SYT6: variants seen among roughly 807,000 people sequenced by gnomAD.
SYT6 encodes the protein synaptotagmin-6.
In SYT6, 24 loss-of-function variants were observed where a neutral mutation model predicts 38.4. That is an observed-to-expected ratio of 0.62 (90% CI 0.45 to 0.88). The LOEUF is 0.88. Ranked by LOEUF, SYT6 falls within the 40% of genes least tolerant of loss-of-function variation. SYT6 has a pLI of 0.00. For missense variants in SYT6, 611 were observed against 621.0 expected, an observed-to-expected ratio of 0.98 and a Z score of 0.17; for synonymous variants, 265 against 241.9, an observed-to-expected ratio of 1.10 and a Z score of -0.89.
intron 3 of SYT6, among the ~76,000 whole-genome samples, chr1:114,132,732 A>G (rs945371595): frequency 6.6e-6 from 1 of 152,188 alleles, no homozygotes; most frequent in Non-Finnish European, 1.5e-5. Flanking sequence ...CACATGGGCT[A>G]AGCCAGCAGG....
At chr1:114,110,292 C>A (rs901924093) in intron 3 of SYT6, among the ~76,000 whole-genome samples, 1 of 152,196 alleles carries the variant, frequency 6.6e-6, no homozygotes, top group South Asian at 2.1e-4. Flanking sequence ...AAAGTCCCAG[C>A]CCTCCAGGAA....
At chr1:114,128,558 G>A (rs189730001) in intron 3 of SYT6, among the ~76,000 whole-genome samples, 96 of 152,182 alleles carry the variant, frequency 6.3e-4, no homozygotes, top group African/African-American at 2.1e-3. Flanking sequence ...CCGTGTCCCC[G>A]TTCCACAGTT....
At chr1:114,135,762 G>C (rs1678441275) in intron 3 of SYT6, among the ~76,000 whole-genome samples, 1 of 152,210 alleles carries the variant, frequency 6.6e-6, no homozygotes. Flanking sequence ...GAGGCTCCTA[G>C]AAGGGCTGGG....
At chr1:114,134,564 C>T (rs999105709) in intron 3 of SYT6, among the ~76,000 whole-genome samples, 2 of 152,102 alleles carry the variant, frequency 1.3e-5, no homozygotes, top group African/African-American at 2.4e-5. Context: ...AGAGAACACA[C>T]GGGAGAGGCA....
In SYT6 at chr1:114,134,572, G is replaced by A. The variant is rs778651024; in HGVS notation, c.1071+2923C>T. 8.5e-5 allele frequency among the ~76,000 whole-genome samples: 13 copies of A among 152,328 alleles called. No homozygotes were observed. In the South Asian group the frequency reaches 2.7e-3, roughly 32 times the overall value. On this transcript the variant is annotated intron_variant, in intron 3 of 7. Coordinates refer to ENST00000610222, the MANE Select transcript of SYT6 (RefSeq NM_001253772.2). ...GGGATACAGAGAACACACGGGAGAG[G>A]CAGCTGCTGTGAGACCAGGAGGCCA...
At chr1:114,136,313 G>A (rs970424190) in intron 3 of SYT6, among the ~76,000 whole-genome samples, 4 of 152,188 alleles carry the variant, frequency 2.6e-5, no homozygotes, top group African/African-American at 9.6e-5. Flanking sequence ...GGAGTCTGCA[G>A]ACAGAGTGGG....
At chr1:114,108,457 A>G (rs1676463208) in intron 3 of SYT6, among the ~76,000 whole-genome samples, 2 of 152,182 alleles carry the variant, frequency 1.3e-5, no homozygotes, top group African/African-American at 4.8e-5. Context: ...ACCCCCAGTT[A>G]GCTGTGAGAC....
chr1:114,114,644 T>C (rs536622741), intron 3 of SYT6, among the ~76,000 whole-genome samples: 1 of 152,316 alleles, frequency 6.6e-6, no homozygotes, highest in Non-Finnish European at 1.5e-5. Flanking sequence ...TCATCATCTC[T>C]GGAGGCGGGG....
At position 114,096,999 on chromosome 1, in the gene SYT6, C is replaced by T. The variant is rs7554128; in HGVS notation, c.1515+728G>A. 2.5e-3 allele frequency among the ~76,000 whole-genome samples: 381 copies of T among 152,182 alleles called. 2 individuals are homozygous for T. The highest frequency in any genetic ancestry group is 8.6e-3 in the African/African-American group (358 of 41,510). On this transcript the variant is annotated intron_variant, in intron 6 of 7. Coordinates refer to ENST00000610222, the MANE Select transcript of SYT6 (RefSeq NM_001253772.2). Reference sequence around the variant, plus strand: ...AGGATCCTAAGTCGGTGGGATTCAGCGGAGGGTGGAGAAGTTTGCAGATAT... The same window carrying T: ...AGGATCCTAAGTCGGTGGGATTCAGTGGAGGGTGGAGAAGTTTGCAGATAT...
intron 3 of SYT6, among the ~76,000 whole-genome samples, chr1:114,123,231 C>A (rs1677529019): frequency 6.6e-6 from 1 of 152,210 alleles, no homozygotes; most frequent in African/African-American, 2.4e-5. Context: ...GCCCTGTCCC[C>A]AACTTCTCAA....
chr1:114,131,245 AGTT>A (rs1214541013), intron 3 of SYT6, among the ~76,000 whole-genome samples: 3 of 152,124 alleles, frequency 2.0e-5, no homozygotes, highest in African/African-American at 7.2e-5. Flanking sequence ...CTCTGCAAGT[AGTT>A]ATTATACAAA....
Position 114,099,102 on chromosome 1 carries a change from G to A in SYT6, c.1356C>T (p.Asp452=). 1 of 1,613,032 alleles carries A rather than the reference G, an allele frequency of 6.2e-7. No individual in the cohort carries two copies. The highest frequency in any genetic ancestry group is 8.5e-7 in the Non-Finnish European group (1 of 1,179,374). Residue 452 remains aspartate, a synonymous_variant, in exon 5 of 8, where the codon GAC becomes GAT. Coordinates refer to ENST00000610222, the MANE Select transcript of SYT6 (RefSeq NM_001253772.2). ...DQVSLLISVM[D]YDRVGHNEII... ...CTAGGACGCCTACCTACCGATCATA[G>A]TCCATGACTGAGATGAGCAGGCTGA... is the stretch of plus-strand genomic sequence containing the variant.
At chr1:114,099,946 G>A (rs903715645) in intron 4 of SYT6, among the ~76,000 whole-genome samples, 52 of 152,128 alleles carry the variant, frequency 3.4e-4, no homozygotes, top group Non-Finnish European at 5.9e-4. Flanking sequence ...CTGGACAGTG[G>A]AGAATGAGGG....
rs540696316 is a variant in SYT6 at position 114,092,032 on chromosome 1, C to T, written c.*102G>A. 9 of 1,536,126 alleles carry T rather than the reference C, an allele frequency of 5.9e-6. No individual in the cohort carries two copies. The highest frequency in any genetic ancestry group is 1.4e-5 in the African/African-American group (1 of 73,040). On this transcript the variant is annotated 3_prime_UTR_variant, in exon 8 of 8. Transcript: ENST00000610222. Reference sequence around the variant, plus strand: ...CATCTCATGGTGTTGGAGGTGGTTTCGGAGATGGGCACGAGCTCTCACTGT... The same window carrying T: ...CATCTCATGGTGTTGGAGGTGGTTTTGGAGATGGGCACGAGCTCTCACTGT...
intron 3 of SYT6, among the ~76,000 whole-genome samples, chr1:114,129,409 G>A (rs924861033): frequency 7.6e-5 from 11 of 144,502 alleles, no homozygotes; most frequent in African/African-American, 2.3e-4. Flanking sequence ...AACCTCTCCC[G>A]CCTCTTACCT....
chr1:114,140,328 C>G (rs1198314962), intron 1 of SYT6, among the ~76,000 whole-genome samples: 2 of 151,818 alleles, frequency 1.3e-5, no homozygotes, highest in African/African-American at 2.4e-5. Context: ...AGCAAATGTG[C>G]AAATTTGTGA....
intron 1 of SYT6, among the ~76,000 whole-genome samples, chr1:114,150,920 T>C (rs1679409945): frequency 6.6e-6 from 1 of 152,162 alleles, no homozygotes; most frequent in South Asian, 2.1e-4. Flanking sequence ...CAAATGACAG[T>C]GGAGTCTGAA....
intron 1 of SYT6, among the ~76,000 whole-genome samples, chr1:114,148,668 CATTTATTTATTTATTTATTT>C (rs67439650): frequency 2.0e-5 from 3 of 150,666 alleles, no homozygotes; most frequent in East Asian, 2.0e-4. Flanking sequence ...CTAATAATAT[CATTTATTTATTTATTTATTT>C]ATTTATTTAT....
chr1:114,149,223 G>GTGTGTGTGTGTGTGTGTGTGCGCACA, intron 1 of SYT6, among the ~76,000 whole-genome samples: 1 of 133,356 alleles, frequency 7.5e-6, no homozygotes, highest in Non-Finnish European at 1.6e-5. Context: ...GAGATTGTGT[G>GTGTGTGTGTGTGTGTGTGTGCGCACA]TGTGTGTGTG....
Sources: allele counts gnomAD v4.1 joint callset (sites outside exome capture counted in the v4.1 genomes callset), GRCh38; gene constraint gnomAD v4.1.1; transcripts MANE v1.5; gene names NCBI Gene and HGNC (gene_info 2026-07-23, HGNC 2026-07-21).